The following DAAM1 variants were observed in gnomAD, a reference collection of about 807,000 sequenced individuals.
DAAM1 encodes the protein disheveled-associated activator of morphogenesis 1.
A neutral mutation model predicts 130.0 loss-of-function variants in DAAM1; 52 were observed. That is an observed-to-expected ratio of 0.40 (90% confidence interval 0.32 to 0.50). DAAM1 has a LOEUF of 0.50. DAAM1 is among the 20% of genes least tolerant of loss of function. DAAM1 has a pLI of 0.61. For missense variants in DAAM1, 1,134 were observed against 1,303.8 expected, an observed-to-expected ratio of 0.87 and a Z score of 2.01; for synonymous variants, 452 against 444.5, an observed-to-expected ratio of 1.02 and a Z score of -0.21.
rs185887461 is a variant in DAAM1 at position 59,223,792 on chromosome 14, G to A, written c.-38+35024G>A. Reference sequence around the variant, plus strand: ...TAACAACTTGTACTTCATCTTGGAAGGGATGTCTTAACATGCCCCACACCT... The same window carrying A: ...TAACAACTTGTACTTCATCTTGGAAAGGATGTCTTAACATGCCCCACACCT... On this transcript the variant is annotated intron_variant, in intron 1 of 24. Transcript: ENST00000360909. 3.6e-3 allele frequency among the ~76,000 whole-genome samples: 552 copies of A among 152,266 alleles called. 6 individuals carry two copies. Among genetic ancestry groups the A allele is most frequent in the Non-Finnish European group, 2.1e-3 (142 of 68,024 alleles).
intron 2 of DAAM1, among the ~76,000 whole-genome samples, chr14:59,268,204 G>A (rs1882549068): frequency 6.6e-6 from 1 of 152,116 alleles, no homozygotes; most frequent in African/African-American, 2.4e-5. Context: ...CCCGGCGCCT[G>A]CCACATTTTT....
intron 1 of DAAM1, among the ~76,000 whole-genome samples, chr14:59,243,144 C>G (rs1035521417): frequency 6.6e-6 from 1 of 152,090 alleles, no homozygotes; most frequent in Non-Finnish European, 1.5e-5. Context: ...TTAGTGTCAT[C>G]GGTGGATTCC....
chr14:59,340,273 C>A, intron 16 of DAAM1, 93 bp downstream of exon 16: 1 of 1,211,276 alleles, frequency 8.3e-7, no homozygotes, highest in Non-Finnish European at 1.2e-6. Flanking sequence ...TTTAATTGTA[C>A]TCTGCTGAGG....
At chr14:59,338,860 A>C (rs1885735725) in intron 15 of DAAM1, among the ~76,000 whole-genome samples, 1 of 152,298 alleles carries the variant, frequency 6.6e-6, no homozygotes, top group East Asian at 1.9e-4. Context: ...CTTTTTATAG[A>C]TTGCATAGGC....
chr14:59,201,078 A>G (rs1252991), intron 1 of DAAM1, among the ~76,000 whole-genome samples: 148,568 of 150,890 alleles, frequency 0.98, 73,173 homozygotes, highest in East Asian at 1. Context: ...GGAGAATGGT[A>G]TGAACCTGGG....
intron 3 of DAAM1, among the ~76,000 whole-genome samples, chr14:59,303,608 G>A (rs1290810378): frequency 3.3e-5 from 5 of 152,084 alleles, no homozygotes; most frequent in Admixed American, 2.6e-4. Context: ...ATCTCAATAA[G>A]AAATAGGGCC....
At chr14:59,253,745 T>TGAGGGCTGG (rs1881748553) in intron 1 of DAAM1, among the ~76,000 whole-genome samples, 1 of 152,216 alleles carries the variant, frequency 6.6e-6, no homozygotes, top group Non-Finnish European at 1.5e-5. Flanking sequence ...TTTGGGGCTG[T>TGAGGGCTGG]GAGGGCTGGG....
chr14:59,338,725 C>T (rs1160348479), intron 15 of DAAM1, among the ~76,000 whole-genome samples: 1 of 151,748 alleles, frequency 6.6e-6, no homozygotes, highest in Non-Finnish European at 1.5e-5. Flanking sequence ...TTTAATGCTA[C>T]CGTTATTGGT....
chr14:59,306,541 T>A (rs1393998228), intron 3 of DAAM1, among the ~76,000 whole-genome samples: 1 of 152,192 alleles, frequency 6.6e-6, no homozygotes, highest in Admixed American at 6.5e-5. Flanking sequence ...GTATTTAGAT[T>A]TTAAAATGCT....
chr14:59,344,642 A>G (rs1395252840), intron 16 of DAAM1, among the ~76,000 whole-genome samples: 1 of 152,188 alleles, frequency 6.6e-6, no homozygotes, highest in Non-Finnish European at 1.5e-5. Context: ...AGATTTTCTT[A>G]AGTGCTAGCC....
chr14:59,320,596 C>A lies in DAAM1; in HGVS notation c.440+12C>A. The A allele has an allele frequency of 1.3e-6, 2 of 1,523,050 alleles. No individual in the cohort carries two copies. Among genetic ancestry groups the A allele is most frequent in the Non-Finnish European group, 8.7e-7 (1 of 1,143,612 alleles). 94.3% of individuals were successfully genotyped at this position (1,523,050 alleles called of 1,614,324 possible). On this transcript the variant is annotated intron_variant, in intron 5 of 24. Coordinates refer to ENST00000360909, the MANE Select transcript of DAAM1 (RefSeq NM_001270520.2). ...ACAAAACCAATGAGGTAATTTTCCC[C>A]TGGATGGCATGTTTTTTTTTTTTCT...
chr14:59,352,745 T>A, intron 18 of DAAM1, 113 bp downstream of exon 18: 1 of 879,730 alleles, frequency 1.1e-6, no homozygotes, highest in Non-Finnish European at 1.7e-6. Context: ...ACTTGAAAGC[T>A]TTTTCATTCT....
chr14:59,291,159 G>T, intron 2 of DAAM1, 58 bp from the exon 3 acceptor site: 1 of 1,377,350 alleles, frequency 7.3e-7, no homozygotes, highest in Non-Finnish European at 9.9e-7. Flanking sequence ...TACTGATAAC[G>T]TTCTCTACAG....
intron 1 of DAAM1, among the ~76,000 whole-genome samples, chr14:59,197,650 G>T (rs1417572768): frequency 6.6e-6 from 1 of 152,190 alleles, no homozygotes; most frequent in South Asian, 2.1e-4. Flanking sequence ...TCTGCTAAGG[G>T]CTGGTTAAAA....
At chr14:59,251,821 G>A (rs777081222) in intron 1 of DAAM1, among the ~76,000 whole-genome samples, 4 of 152,110 alleles carry the variant, frequency 2.6e-5, no homozygotes, top group Non-Finnish European at 4.4e-5. Context: ...AAAGGGCAGG[G>A]TGCTGCTTTT....
At chr14:59,224,014 C>A (rs967412576) in intron 1 of DAAM1, among the ~76,000 whole-genome samples, 1 of 152,134 alleles carries the variant, frequency 6.6e-6, no homozygotes, top group Non-Finnish European at 1.5e-5. Flanking sequence ...GATCAAGATC[C>A]CTTCACACTA....
chr14:59,259,209 A>C (rs150133929), intron 1 of DAAM1, among the ~76,000 whole-genome samples: 1 of 152,162 alleles, frequency 6.6e-6, no homozygotes, highest in Admixed American at 6.5e-5. Context: ...ACTAAGTGAC[A>C]TGTGCCATGT....
At chr14:59,333,974 C>T (rs1885535392) in intron 15 of DAAM1, among the ~76,000 whole-genome samples, 1 of 152,198 alleles carries the variant, frequency 6.6e-6, no homozygotes, top group Non-Finnish European at 1.5e-5. Context: ...GCATTCCAGT[C>T]AGGAGAGTCC....
chr14:59,339,826 A>T (rs1414530145), intron 15 of DAAM1, among the ~76,000 whole-genome samples: 1 of 152,190 alleles, frequency 6.6e-6, no homozygotes, highest in Non-Finnish European at 1.5e-5. Context: ...ACTTAGAAGC[A>T]CTTTGTTCTT....
Sources: gnomAD v4.1 joint callset for allele counts (sites outside exome capture counted in the v4.1 genomes callset) on GRCh38, gnomAD v4.1.1 for gene constraint, MANE v1.5 for transcripts, NCBI Gene and HGNC (gene_info 2026-07-23, HGNC 2026-07-21) for gene names.